KLC2: variants seen among roughly 807,000 people sequenced by gnomAD.
KLC2 encodes the protein kinesin light chain 2.
In KLC2, 35 loss-of-function variants were observed where a neutral mutation model predicts 75.1. The observed-to-expected ratio is 0.47, with a 90% CI of 0.36 to 0.62. The LOEUF is 0.62. Among genes scored for constraint, KLC2 ranks in the 20% least tolerant of loss-of-function variants. KLC2 has a pLI of 0.00. For missense variants in KLC2, 611 were observed against 833.2 expected, an observed-to-expected ratio of 0.73 and a Z score of 3.28; for synonymous variants, 314 against 336.7, an observed-to-expected ratio of 0.93 and a Z score of 0.74.
chr11:66,254,947 G>A (rs1233585526), upstream of KLC2, among the ~76,000 whole-genome samples: 1 of 151,868 alleles, frequency 6.6e-6, no homozygotes, highest in Non-Finnish European at 1.5e-5. Context: ...GTCCCAAGAG[G>A]TGCCCAGGAT....
At chr11:66,252,039 A>T in the KLC2 span, among the ~76,000 whole-genome samples, 1 of 152,150 alleles carries the variant, frequency 6.6e-6, no homozygotes, top group Admixed American at 6.5e-5. Context: ...TACGGTCCAC[A>T]CTACACAGCT....
In KLC2 at chr11:66,266,991, C is replaced by G. The variant is rs1273862960; in HGVS notation, c.*35C>G. 1 of 1,608,298 alleles carries G rather than the reference C, an allele frequency of 6.2e-7. No individual in the cohort carries two copies. The highest frequency in any genetic ancestry group is 1.3e-5 in the African/African-American group (1 of 75,026). ...GGCAGCCAGTCACCAGAGCGCCCAC[C>G]TGGCACACCCCCCTCACCCCAGCCC... is the stretch of plus-strand genomic sequence containing the variant. On this transcript the variant is annotated 3_prime_UTR_variant, in exon 16 of 16. Coordinates refer to ENST00000394067, the MANE Select transcript of KLC2 (RefSeq NM_001318734.2).
upstream of KLC2, among the ~76,000 whole-genome samples, chr11:66,254,047 T>C (rs1287191404): frequency 6.6e-6 from 1 of 151,564 alleles, no homozygotes; most frequent in Non-Finnish European, 1.5e-5. Flanking sequence ...GGTCAGGAGT[T>C]TGAGACCAGC....
chr11:66,256,245 A>G (rs1203339848), upstream of KLC2, among the ~76,000 whole-genome samples: 1 of 152,034 alleles, frequency 6.6e-6, no homozygotes, highest in African/African-American at 2.4e-5. Context: ...AATTGGAAAA[A>G]AAAAAAAGCC....
At chr11:66,243,971 TTCC>T in the KLC2 span, 1 of 152,080 alleles carries the variant, frequency 6.6e-6, no homozygotes, top group Non-Finnish European at 1.5e-5. Flanking sequence ...CGTGCACGAC[TTCC>T]TCACCACCCC....
intron 1 of KLC2, chr11:66,258,149 C>T (rs1361618574): frequency 1.2e-5 from 2 of 171,734 alleles, no homozygotes; most frequent in African/African-American, 4.8e-5. Context: ...GGAGCGCCTC[C>T]GCAGGGTCGG....
chr11:66,245,755 G>A, the KLC2 span, among the ~76,000 whole-genome samples: 1 of 152,136 alleles, frequency 6.6e-6, no homozygotes, highest in Admixed American at 6.5e-5. Context: ...GGTGGTATGT[G>A]CCTGTAATCT....
intron 11 of KLC2, 64 bp downstream of exon 11, chr11:66,265,299 C>G (rs1214732266): frequency 7.1e-7 from 1 of 1,410,158 alleles, no homozygotes; most frequent in Non-Finnish European, 1.0e-6. Context: ...ATTCCATACT[C>G]TCACCCCCAA....
At position 66,267,155 on chromosome 11, in the gene KLC2, T is replaced by C. The variant is rs1431852509; in HGVS notation, c.*199T>C. 2 of 1,543,808 alleles carry C rather than the reference T, an allele frequency of 1.3e-6. No homozygotes were observed. Among genetic ancestry groups the C allele is most frequent in the Admixed American group, 4.0e-5 (2 of 50,586 alleles). ...GCCTGCCCACTCCAGCTCCATCCCT[T>C]ATTTATTCCTTCCAGCAGGGCCCTC... On this transcript the variant is annotated 3_prime_UTR_variant, in exon 16 of 16. Coordinates refer to ENST00000394067, the MANE Select transcript of KLC2 (RefSeq NM_001318734.2).
chr11:66,267,359 G>C lies in KLC2; in HGVS notation c.*403G>C. The stretch of plus-strand genomic sequence containing the variant: ...TCTGTATATAGAGAAATAAGTTATT[G>C]GCCGCGCGCCTCCCTTCAGTCCACG... On this transcript the variant is annotated 3_prime_UTR_variant, in exon 16 of 16. Coordinates refer to ENST00000394067, the MANE Select transcript of KLC2 (RefSeq NM_001318734.2). The C allele has an allele frequency of 2.7e-6, 2 of 733,500 alleles. No homozygotes were observed. Among genetic ancestry groups the C allele is most frequent in the Non-Finnish European group, 5.0e-6 (2 of 400,482 alleles). The allele number at this position is 733,500 out of a possible 1,614,324, so 45.4% of individuals were successfully genotyped here. A position where few individuals can be genotyped will look rare whatever the true frequency, so the allele number is the denominator to read the frequency against.
At chr11:66,266,243 C>T in intron 14 of KLC2, 26 bp downstream of exon 14, 2 of 1,580,940 alleles carry the variant, frequency 1.3e-6, no homozygotes, top group Non-Finnish European at 1.7e-6. Context: ...AGGTGAGCCT[C>T]AAGAACCACC....
At chr11:66,245,689 C>T in the KLC2 span, among the ~76,000 whole-genome samples, 1 of 151,420 alleles carries the variant, frequency 6.6e-6, no homozygotes, top group Non-Finnish European at 1.5e-5. Flanking sequence ...GTACTCCAGC[C>T]TGGCGACACA....
At chr11:66,259,612 G>A (rs1856246635) in intron 2 of KLC2, 1 of 152,256 alleles carries the variant, frequency 6.6e-6, no homozygotes, top group Admixed American at 6.5e-5. Context: ...AGCCTCTGGA[G>A]GGCTTTAAGC....
chr11:66,248,283 G>T, the KLC2 span, among the ~76,000 whole-genome samples: 7 of 152,184 alleles, frequency 4.6e-5, no homozygotes, highest in African/African-American at 1.4e-4. Flanking sequence ...ATGTGCATTT[G>T]TCATAACTAG....
chr11:66,247,564 G>T, the KLC2 span, among the ~76,000 whole-genome samples: 9 of 151,860 alleles, frequency 5.9e-5, no homozygotes, highest in Non-Finnish European at 1.0e-4. Flanking sequence ...CGTGTGGCTT[G>T]CTCCATCATT....
intron 9 of KLC2, 142 bp downstream of exon 9, chr11:66,264,586 A>G: frequency 1.5e-6 from 1 of 688,864 alleles, no homozygotes; most frequent in Non-Finnish European, 2.6e-6. Flanking sequence ...GATGGTGCCC[A>G]GCCACCTGTG....
chr11:66,255,343 C>A (rs984949519), upstream of KLC2, among the ~76,000 whole-genome samples: 1 of 152,214 alleles, frequency 6.6e-6, no homozygotes, highest in Non-Finnish European at 1.5e-5. Flanking sequence ...GTACACACCA[C>A]CATGCCTAGC....
intron 2 of KLC2, chr11:66,261,017 C>T (rs558741052): frequency 6.6e-6 from 1 of 150,606 alleles, no homozygotes; most frequent in Non-Finnish European, 1.5e-5. Context: ...TGTGACGGTG[C>T]CATAGCCCTT....
chr11:66,249,868 A>G, the KLC2 span, among the ~76,000 whole-genome samples: 1 of 152,112 alleles, frequency 6.6e-6, no homozygotes, highest in Admixed American at 6.5e-5. Context: ...ACTCTTGTCC[A>G]TGCTGCCTCC....
Sources: gnomAD v4.1 joint callset for allele counts (sites outside exome capture counted in the v4.1 genomes callset) on GRCh38, gnomAD v4.1.1 for gene constraint, MANE v1.5 for transcripts, NCBI Gene and HGNC (gene_info 2026-07-23, HGNC 2026-07-21) for gene names.